The following ABCC9 variants were observed in gnomAD, a reference collection of about 807,000 sequenced individuals.
The protein encoded by ABCC9 is ATP-binding cassette sub-family C member 9.
ABCC9 carries 95 observed loss-of-function variants against 188.3 expected under a neutral mutation model. The observed-to-expected ratio is 0.50, with a 90% CI of 0.43 to 0.60. The LOEUF is 0.60. Ranked by LOEUF, ABCC9 falls within the 20% of genes least tolerant of loss-of-function variation. ABCC9 has a pLI of 0.00. For synonymous variants in ABCC9, 659 were observed against 652.7 expected (o/e 1.01, Z -0.15); for missense variants, 1,102 against 1,876.3 (o/e 0.59, Z 7.62).
chr12:21,852,871 A>G (rs1162206865), intron 22 of ABCC9, among the ~76,000 whole-genome samples: 2 of 152,246 alleles, frequency 1.3e-5, no homozygotes, highest in Non-Finnish European at 2.9e-5. Context: ...ATTATTTTAA[A>G]AGTAAATAAC....
chr12:21,813,350 A>C (rs1200463803), intron 35 of ABCC9, among the ~76,000 whole-genome samples: 1 of 152,202 alleles, frequency 6.6e-6, no homozygotes, highest in Non-Finnish European at 1.5e-5. Flanking sequence ...GTGAGATAAG[A>C]TGTCAGGCTC....
chr12:21,846,038 T>A (rs1272501534), intron 25 of ABCC9, among the ~76,000 whole-genome samples: 1 of 152,160 alleles, frequency 6.6e-6, no homozygotes, highest in Non-Finnish European at 1.5e-5. Context: ...ATAAAACAAA[T>A]GTAAAATCTA....
At chr12:21,903,519 A>G (rs1422866555) in intron 12 of ABCC9, among the ~76,000 whole-genome samples, 7 of 152,222 alleles carry the variant, frequency 4.6e-5, no homozygotes, top group Non-Finnish European at 1.5e-5. Flanking sequence ...ATGATTGTAT[A>G]TCTAGAAAAC....
chr12:21,879,853 G>GA (rs111434867), intron 16 of ABCC9, among the ~76,000 whole-genome samples: 3,258 of 151,024 alleles, frequency 0.022, 117 homozygotes, highest in African/African-American at 0.072. Flanking sequence ...AGCTAAGAAG[G>GA]AAAAAAAATC....
At chr12:21,895,841 G>C (rs1174861660) in intron 12 of ABCC9, among the ~76,000 whole-genome samples, 1 of 151,976 alleles carries the variant, frequency 6.6e-6, no homozygotes, top group Non-Finnish European at 1.5e-5. Flanking sequence ...ATCTCTCCTG[G>C]AATATATTTA....
At chr12:21,825,946 A>G (rs1238022552) in intron 31 of ABCC9, among the ~76,000 whole-genome samples, 1 of 152,140 alleles carries the variant, frequency 6.6e-6, no homozygotes, top group Non-Finnish European at 1.5e-5. Flanking sequence ...AGGCATAAAG[A>G]GGAAGGGAGG....
chr12:21,808,266 G>C (rs1276527785), intron 37 of ABCC9, among the ~76,000 whole-genome samples: 1 of 152,082 alleles, frequency 6.6e-6, no homozygotes, highest in Non-Finnish European at 1.5e-5. Context: ...ACATATAAGA[G>C]GATGCTGGAC....
chr12:21,894,383 T>C (rs564618740), intron 13 of ABCC9, among the ~76,000 whole-genome samples: 1 of 152,156 alleles, frequency 6.6e-6, no homozygotes. Flanking sequence ...GGCAAACTTA[T>C]GAGAAAGTTA....
At chr12:21,900,891 T>C (rs1237872632) in intron 12 of ABCC9, among the ~76,000 whole-genome samples, 2 of 152,134 alleles carry the variant, frequency 1.3e-5, no homozygotes, top group African/African-American at 4.8e-5. Context: ...CAGGATATTA[T>C]CCAGGAGGAC....
intron 14 of ABCC9, among the ~76,000 whole-genome samples, chr12:21,891,018 C>T (rs1477594396): frequency 6.6e-6 from 1 of 151,970 alleles, no homozygotes; most frequent in Non-Finnish European, 1.5e-5. Context: ...GATAGTTTCC[C>T]TTCTCTCTCA....
At chr12:21,902,754 T>C (rs1366953990) in intron 12 of ABCC9, among the ~76,000 whole-genome samples, 1 of 152,098 alleles carries the variant, frequency 6.6e-6, no homozygotes, top group Non-Finnish European at 1.5e-5. Context: ...AGAAGTTGAA[T>C]CCCTGAATAG....
chr12:21,804,987 T>G, intron 39 of ABCC9: 5 of 223,892 alleles, frequency 2.2e-5, no homozygotes, highest in Non-Finnish European at 3.7e-5. Context: ...AACACATGCA[T>G]GAGCTCCATT....
chr12:21,894,036 T>C lies in ABCC9; in HGVS notation c.1798A>G (p.Ile600Val). 1.9e-6 allele frequency: 3 copies of C among 1,614,036 alleles called. No homozygotes were observed. Among genetic ancestry groups the C allele is most frequent in the Non-Finnish European group, 1.7e-6 (2 of 1,179,998 alleles). ...GCCAGACACTTCAGTGCATACCTTA[T>C]GATGGCTTTGACTGCAAATCTGACC... ...TVVRFAVKAIISVQKLNEFLL... is the reference protein window; with the variant it reads ...TVVRFAVKAIVSVQKLNEFLL... Residue 600 changes from isoleucine (I) to valine (V), a missense_variant, in exon 14 of 40, where the codon ATA becomes GTA. Ile to Val is a conservative substitution (Grantham distance 29, BLOSUM62 3). Around this residue, in one of 12 missense-constraint regions of ABCC9, gnomAD observed 258 missense variants for 325.6 expected, o/e 0.79. Transcript: ENST00000261200.
chr12:21,806,087 T>C, intron 38 of ABCC9, 27 bp from the exon 39 acceptor site: 1 of 1,594,130 alleles, frequency 6.3e-7, no homozygotes, highest in Non-Finnish European at 8.6e-7. Flanking sequence ...GTGTAAATTT[T>C]CTCGGGATTA....
chr12:21,935,385 A>C (rs982989790), intron 3 of ABCC9, among the ~76,000 whole-genome samples: 3 of 152,126 alleles, frequency 2.0e-5, no homozygotes, highest in Non-Finnish European at 4.4e-5. Context: ...ATGTACCAAG[A>C]ATTATGTTGG....
chr12:21,837,757 A>G (rs976409515), intron 30 of ABCC9, among the ~76,000 whole-genome samples: 1 of 135,430 alleles, frequency 7.4e-6, no homozygotes, highest in Non-Finnish European at 1.6e-5. Flanking sequence ...AACTAGTCCA[A>G]TGACCCTAAG....
chr12:21,930,938 C>G (rs2138040495), intron 4 of ABCC9, among the ~76,000 whole-genome samples: 1 of 152,216 alleles, frequency 6.6e-6, no homozygotes. Flanking sequence ...CTATTTTCTA[C>G]TCAATTTTGC....
intron 39 of ABCC9, 57 bp downstream of exon 39, chr12:21,805,941 A>G: frequency 1.3e-6 from 2 of 1,515,212 alleles, no homozygotes; most frequent in East Asian, 4.5e-5. Context: ...CCTAAAGATG[A>G]TAACATGTTA....
At chr12:21,924,631 T>G (rs1047646854) in intron 5 of ABCC9, 1 of 152,100 alleles carries the variant, frequency 6.6e-6, no homozygotes, top group Non-Finnish European at 1.5e-5. Flanking sequence ...TGATTGCATT[T>G]CCATCAAAAC....
Sources: gnomAD v4.1 joint callset for allele counts (sites outside exome capture counted in the v4.1 genomes callset) on GRCh38, gnomAD v4.1.1 for gene constraint, gnomAD v4.1.1 regional missense constraint, MANE v1.5 for transcripts, NCBI Gene and HGNC (gene_info 2026-07-23, HGNC 2026-07-21) for gene names.